The following MADD variants were observed in gnomAD, a reference collection of about 807,000 sequenced individuals.
MADD encodes MAP kinase activating death domain.
A neutral mutation model predicts 176.7 loss-of-function variants in MADD; 109 were observed. That is an observed-to-expected ratio of 0.62 (90% confidence interval 0.53 to 0.72). The LOEUF (loss-of-function observed/expected upper bound fraction) is 0.72, where lower values mean the gene tolerates loss of function less well. Ranked by LOEUF, MADD falls within the 30% of genes least tolerant of loss-of-function variation. MADD has a pLI of 0.00. For synonymous variants in MADD, 771 were observed against 771.3 expected, an observed-to-expected ratio of 1.00 and a Z score of 0.01; for missense variants, 1,914 against 2,045.5, an observed-to-expected ratio of 0.94 and a Z score of 1.24.
In MADD at chr11:47,283,445, G is replaced by A. The variant is rs764304292; in HGVS notation, c.1862+476G>A. ...ACAGAGTCTTGCTGCTCTGTCACGC[G>A]GTCTGGAGTGCAGTGGTGCCGTCTC... On this transcript the variant is annotated intron_variant, in intron 10 of 32. Coordinates refer to ENST00000402192, the Ensembl canonical transcript of MADD. 4.6e-5 allele frequency among the ~76,000 whole-genome samples: 7 copies of A among 151,184 alleles called. No homozygotes were observed. The East Asian group carries it at 7.9e-4, about 17-fold the overall frequency.
chr11:47,286,779 C>G (rs573934433), intron 15 of MADD, among the ~76,000 whole-genome samples: 8 of 152,164 alleles, frequency 5.3e-5, no homozygotes, highest in Admixed American at 4.6e-4. Context: ...ACTGCTGCTT[C>G]GCGGGAGGAC....
chr11:47,285,167 G>C, exon 13 of MADD: 2 of 1,613,954 alleles, frequency 1.2e-6, no homozygotes, highest in Non-Finnish European at 1.7e-6. Context: ...TACACTCCCC[G>C]ATTCAGCCAA....
At chr11:47,316,433 G>A (rs1362563489) in intron 27 of MADD, among the ~76,000 whole-genome samples, 9 of 140,616 alleles carry the variant, frequency 6.4e-5, no homozygotes, top group African/African-American at 2.4e-4. Flanking sequence ...CTGTCGCCCA[G>A]GCTGGAGTGC....
chr11:47,276,521 A>G (rs1403265393), intron 4 of MADD, among the ~76,000 whole-genome samples: 1 of 152,174 alleles, frequency 6.6e-6, no homozygotes, highest in Non-Finnish European at 1.5e-5. Flanking sequence ...TAGGAAGGTA[A>G]GGGAGTGATT....
In MADD at chr11:47,308,716, G is replaced by A; in HGVS notation, c.3751+17G>A. ...GACTCCTAGGTGAGAAACACACTGG[G>A]AAGGCCCTTTGCACTGGAGAAAGCT... On this transcript the variant is annotated intron_variant, in intron 23 of 32. Coordinates refer to ENST00000402192, the Ensembl canonical transcript of MADD. 1 of 1,602,736 alleles carries A rather than the reference G, an allele frequency of 6.2e-7. No homozygotes were observed. Among genetic ancestry groups the A allele is most frequent in the Non-Finnish European group, 8.5e-7 (1 of 1,170,310 alleles).
rs748931827 is a variant in MADD at position 47,308,709 on chromosome 11, A to G, written c.3751+10A>G. 2.6e-5 allele frequency: 42 copies of G among 1,607,556 alleles called. No individual in the cohort carries two copies. Among genetic ancestry groups the G allele is most frequent in the Non-Finnish European group, 3.4e-5 (40 of 1,174,582 alleles). ...TATGAGGGACTCCTAGGTGAGAAAC[A>G]CACTGGGAAGGCCCTTTGCACTGGA... is the stretch of plus-strand genomic sequence containing the variant. On this transcript the variant is annotated intron_variant, in intron 23 of 32. Coordinates refer to ENST00000402192, the Ensembl canonical transcript of MADD.
At chr11:47,285,818 G>A (rs966096443) in intron 14 of MADD, among the ~76,000 whole-genome samples, 5 of 152,154 alleles carry the variant, frequency 3.3e-5, no homozygotes, top group African/African-American at 4.8e-5. Flanking sequence ...TTTCAGGTAA[G>A]ACAGCTGGAT....
In MADD at chr11:47,276,908, G is replaced by A. The variant is rs766096690; in HGVS notation, c.1095+45G>A. The A allele has an allele frequency of 4.4e-6, 7 of 1,607,288 alleles. No homozygotes were observed. In the East Asian group the frequency reaches 1.6e-4, roughly 36 times the overall value. On this transcript the variant is annotated intron_variant, in intron 5 of 32. Coordinates refer to ENST00000402192, the Ensembl canonical transcript of MADD. The stretch of plus-strand genomic sequence containing the variant: ...CCGGCTTTCTCACCTCTGTCTTCCT[G>A]AGGGAGGAGGCTTAATGCTCAAAGA...
In MADD at chr11:47,276,718, A is replaced by G. The variant is rs756159598; in HGVS notation, c.964-14A>G. On this transcript the variant is annotated splice_polypyrimidine_tract_variant and intron_variant, in intron 4 of 32. Transcript: ENST00000402192. ...TATGTTTTGGAGTGATTCTTACTGGATGGCTCATGACAGGTGGTGCTACAG... is the reference window on the plus strand; with the variant it reads ...TATGTTTTGGAGTGATTCTTACTGGGTGGCTCATGACAGGTGGTGCTACAG... 4 of 1,613,058 alleles carry G rather than the reference A, an allele frequency of 2.5e-6. No individual in the cohort carries two copies. The highest frequency in any genetic ancestry group is 2.2e-5 in the East Asian group (1 of 44,890).
intron 27 of MADD, among the ~76,000 whole-genome samples, chr11:47,315,783 A>T (rs1023646445): frequency 2.0e-5 from 3 of 150,530 alleles, no homozygotes; most frequent in Non-Finnish European, 3.0e-5. Flanking sequence ...CCAAATTATC[A>T]GATTGTTATT....
At chr11:47,303,370 C>G (rs1243484624) in intron 22 of MADD, among the ~76,000 whole-genome samples, 1 of 150,826 alleles carries the variant, frequency 6.6e-6, no homozygotes, top group Non-Finnish European at 1.5e-5. Context: ...TCCTGAGTAG[C>G]TAGGACTAAG....
exon 13 of MADD, chr11:47,285,155 G>A (rs188085430): frequency 1.2e-6 from 2 of 1,614,134 alleles, no homozygotes; most frequent in Non-Finnish European, 1.7e-6. Context: ...CAGGGGGAAA[G>A]TTACACTCCC....
At chr11:47,305,070 G>T (rs933845764) in intron 22 of MADD, among the ~76,000 whole-genome samples, 3 of 152,160 alleles carry the variant, frequency 2.0e-5, no homozygotes, top group Non-Finnish European at 2.9e-5. Context: ...TGTGGCAGTG[G>T]CAGTGGTGGT....
chr11:47,329,817 G>GACTGCTCTGCTGTCA (rs2095827093), exon 33 of MADD: 3 of 152,650 alleles, frequency 2.0e-5, no homozygotes, highest in Non-Finnish European at 4.4e-5. Context: ...GGAGTCCCAG[G>GACTGCTCTGCTGTCA]GACCGCTGGC....
At chr11:47,300,948 T>C (rs1413564424) in intron 22 of MADD, among the ~76,000 whole-genome samples, 2 of 152,122 alleles carry the variant, frequency 1.3e-5, no homozygotes, top group Non-Finnish European at 2.9e-5. Flanking sequence ...CAGTGATTTT[T>C]TGTTTTTCTG....
chr11:47,323,979 C>A, intron 28 of MADD, 144 bp downstream of exon 31: 2 of 879,044 alleles, frequency 2.3e-6, no homozygotes, highest in East Asian at 2.6e-5. Flanking sequence ...CTAAAGCTGT[C>A]TCTGTCAAGC....
intron 26 of MADD, among the ~76,000 whole-genome samples, chr11:47,313,996 G>A (rs769595624): frequency 6.6e-6 from 1 of 151,522 alleles, no homozygotes; most frequent in Non-Finnish European, 1.5e-5. Context: ...CTGACCTTTT[G>A]ATCCGCCCAC....
Position 47,326,557 on chromosome 11 carries a change from A to T in MADD, c.4543-181A>T, listed in dbSNP as rs898720492. The T allele has an allele frequency of 3.5e-6, 5 of 1,414,628 alleles. No individual in the cohort carries two copies. Among genetic ancestry groups the T allele is most frequent in the Non-Finnish European group, 4.6e-6 (5 of 1,086,470 alleles). The allele number at this position is 1,414,628 out of a possible 1,614,324, so 87.6% of individuals were successfully genotyped here. ...TCCTCCGGCCAGGAGCGGAAGGTAC[A>T]TGCCCTTTCTGCTATCTTCGCTTCT... On this transcript the variant is annotated intron_variant, in intron 30 of 32. Transcript: ENST00000402192.
At chr11:47,285,655 T>C in intron 14 of MADD, 65 bp downstream of exon 14, 1 of 1,600,774 alleles carries the variant, frequency 6.2e-7, no homozygotes, top group Non-Finnish European at 8.5e-7. Flanking sequence ...AGCCTGACTA[T>C]GGCAAATGTT....
Sources: allele counts gnomAD v4.1 joint callset (sites outside exome capture counted in the v4.1 genomes callset), GRCh38; gene constraint gnomAD v4.1.1; transcripts MANE v1.5; gene names NCBI Gene and HGNC (gene_info 2026-07-23, HGNC 2026-07-21).